Variants in DSE observed in about 807,000 individuals in gnomAD.
DSE encodes the protein dermatan-sulfate epimerase.
A neutral mutation model predicts 84.4 loss-of-function variants in DSE; 36 were observed. That is an observed-to-expected ratio of 0.43 (90% CI 0.33 to 0.56). DSE has a LOEUF of 0.56. Ranked by LOEUF, DSE falls within the 20% of genes least tolerant of loss-of-function variation. The probability of loss-of-function intolerance (pLI) is 0.06; values close to 1 mark genes in which losing one functional copy is unlikely to be tolerated. For missense variants in DSE, 862 were observed against 1,169.6 expected (o/e 0.74, Z 3.84); for synonymous variants, 410 against 430.1 (o/e 0.95, Z 0.58).
chr6:116,279,458 C>A lies in DSE; in HGVS notation c.-54+20491C>A, dbSNP rs201325694. On this transcript the variant is annotated intron_variant, in intron 2 of 3. Transcript: ENST00000430252. ...TCTAGGGCCTTCTCTCCACCCTGAACGCCCTTTTTCAGGCTGCGGTCGGCT... is the reference window on the plus strand; with the variant it reads ...TCTAGGGCCTTCTCTCCACCCTGAAAGCCCTTTTTCAGGCTGCGGTCGGCT... The A allele has an allele frequency of 2.6e-4, 427 of 1,613,252 alleles. 2 individuals are homozygous for A. In the East Asian group the frequency reaches 9.3e-3, roughly 35 times the overall value.
upstream of DSE, among the ~76,000 whole-genome samples, chr6:116,370,656 G>T (rs569704935): frequency 2.9e-3 from 442 of 152,342 alleles, 5 homozygotes; most frequent in African/African-American, 0.01. Context: ...TAGAGCCAAA[G>T]AGGCCTGGCG....
chr6:116,379,048 T>C (rs9488917), intron 1 of DSE, among the ~76,000 whole-genome samples: 3,099 of 152,322 alleles, frequency 0.02, 111 homozygotes, highest in African/African-American at 0.07. Flanking sequence ...CTTTATTTTA[T>C]TTTGTTAAGA....
At chr6:116,380,940 TC>T (rs1448951228) in intron 1 of DSE, among the ~76,000 whole-genome samples, 2 of 152,208 alleles carry the variant, frequency 1.3e-5, no homozygotes, top group Non-Finnish European at 2.9e-5. Context: ...AGTGCATCCT[TC>T]CTTCTTCACC....
intron 2 of DSE, among the ~76,000 whole-genome samples, chr6:116,332,939 G>A (rs966519331): frequency 1.3e-5 from 2 of 152,140 alleles, no homozygotes; most frequent in Non-Finnish European, 2.9e-5. Context: ...GATTTCTTTA[G>A]TAATCAGGAA....
At chr6:116,357,412 G>T (rs1444278535) in intron 2 of DSE, among the ~76,000 whole-genome samples, 3 of 151,988 alleles carry the variant, frequency 2.0e-5, no homozygotes, top group East Asian at 3.9e-4. Context: ...GGCACCTGTG[G>T]TCCCAGCTAC....
intron 2 of DSE, among the ~76,000 whole-genome samples, chr6:116,331,501 C>T (rs1776931536): frequency 6.6e-6 from 1 of 152,166 alleles, no homozygotes; most frequent in Non-Finnish European, 1.5e-5. Flanking sequence ...GATCTAATCA[C>T]CTCCCACGAG....
intron 2 of DSE, among the ~76,000 whole-genome samples, chr6:116,415,380 T>C (rs2115034442): frequency 6.6e-6 from 1 of 152,316 alleles, no homozygotes; most frequent in Non-Finnish European, 1.5e-5. Context: ...TTTTTTATGT[T>C]ACTAGTGTTT....
intron 2 of DSE, among the ~76,000 whole-genome samples, chr6:116,364,113 T>TA (rs960466767): frequency 3.9e-5 from 6 of 152,242 alleles, no homozygotes; most frequent in African/African-American, 1.4e-4. Flanking sequence ...CAAGTTTCCT[T>TA]ATACTTTTCT....
At chr6:116,271,697 G>T (rs1234934132) in intron 2 of DSE, among the ~76,000 whole-genome samples, 1 of 152,128 alleles carries the variant, frequency 6.6e-6, no homozygotes, top group Non-Finnish European at 1.5e-5. Context: ...TCATGCAACA[G>T]TAAGAACTCA....
intron 2 of DSE, among the ~76,000 whole-genome samples, chr6:116,361,987 A>G (rs572762584): frequency 3.3e-5 from 5 of 152,316 alleles, no homozygotes; most frequent in Admixed American, 6.5e-5. Context: ...CATATTTTGT[A>G]TATGTCATTA....
intron 2 of DSE, among the ~76,000 whole-genome samples, chr6:116,327,399 G>A (rs1207742614): frequency 1.3e-5 from 2 of 152,160 alleles, no homozygotes; most frequent in South Asian, 2.1e-4. Context: ...AAGGGACAGC[G>A]TTAGGAAAAA....
chr6:116,279,955 G>C, intron 2 of DSE: 1 of 1,388,192 alleles, frequency 7.2e-7, no homozygotes, highest in South Asian at 1.2e-5. Flanking sequence ...GGTGTCGTCA[G>C]GACTGGAGAT....
intron 2 of DSE, among the ~76,000 whole-genome samples, chr6:116,260,928 A>T (rs1280003856): frequency 6.6e-6 from 1 of 151,842 alleles, no homozygotes; most frequent in South Asian, 2.1e-4. Context: ...ATGCCTCAAG[A>T]TTTGTTCTTT....
chr6:116,376,505 G>A (rs770116504), intron 1 of DSE, among the ~76,000 whole-genome samples: 24 of 152,192 alleles, frequency 1.6e-4, no homozygotes, highest in Non-Finnish European at 2.5e-4. Flanking sequence ...AGATTATTGA[G>A]GCGATCTGTT....
intron 2 of DSE, chr6:116,400,571 T>G (rs1032644684): frequency 1.3e-5 from 2 of 152,212 alleles, no homozygotes; most frequent in Non-Finnish European, 1.5e-5. Flanking sequence ...TGAAGGATGG[T>G]GGTTTGCAAG....
rs143244626 is a variant in DSE, at chr6:116,395,683, A to G, written c.-53-3515A>G. ...TTTCATAATGCACATTAAAATAAGT[A>G]CGTAAAATTAACGTAAAGCCTGTCC... On this transcript the variant is annotated intron_variant, in intron 1 of 5. Coordinates refer to ENST00000644252, the MANE Select transcript of DSE (RefSeq NM_013352.4). 2.3e-4 allele frequency among the ~76,000 whole-genome samples: 35 copies of G among 152,348 alleles called. No individual in the cohort carries two copies. The East Asian group carries it at 6.0e-3, about 26-fold the overall frequency.
intron 2 of DSE, among the ~76,000 whole-genome samples, chr6:116,310,396 T>A (rs1273794547): frequency 6.6e-6 from 1 of 152,102 alleles, no homozygotes; most frequent in Non-Finnish European, 1.5e-5. Flanking sequence ...TTGCTGGTGA[T>A]ATCTTCTGCT....
intron 2 of DSE, among the ~76,000 whole-genome samples, chr6:116,406,699 T>C (rs1781952827): frequency 6.6e-6 from 1 of 152,210 alleles, no homozygotes; most frequent in South Asian, 2.1e-4. Context: ...GAATGGCTTT[T>C]TTACTTCTTT....
chr6:116,340,100 A>G (rs1309541859), intron 2 of DSE, among the ~76,000 whole-genome samples: 1 of 152,250 alleles, frequency 6.6e-6, no homozygotes, highest in African/African-American at 2.4e-5. Flanking sequence ...AGAGCCAGAG[A>G]GAAGAGTTTC....
Sources: gnomAD v4.1 joint callset for allele counts (sites outside exome capture counted in the v4.1 genomes callset) on GRCh38, gnomAD v4.1.1 for gene constraint, MANE v1.5 for transcripts, NCBI Gene and HGNC (gene_info 2026-07-23, HGNC 2026-07-21) for gene names.